Variants in MIR2052HG observed in about 807,000 individuals in gnomAD.
MIR2052HG encodes the protein MIR2052 host gene.
At chr8:74,665,371 T>G (rs1241861167) in intron 2 of MIR2052HG, among the ~76,000 whole-genome samples, 1 of 152,208 alleles carries the variant, frequency 6.6e-6, no homozygotes, top group Non-Finnish European at 1.5e-5. Flanking sequence ...ACGGGGAGAA[T>G]AACCTTGCTG....
intron 2 of MIR2052HG, among the ~76,000 whole-genome samples, chr8:74,616,871 T>A (rs1808289815): frequency 6.6e-6 from 1 of 152,064 alleles, no homozygotes; most frequent in Non-Finnish European, 1.5e-5. Context: ...CCTCCTCCTA[T>A]AGACTAGGTG....
chr8:74,632,667 A>T (rs1808527621), intron 2 of MIR2052HG, among the ~76,000 whole-genome samples: 1 of 152,226 alleles, frequency 6.6e-6, no homozygotes, highest in Non-Finnish European at 1.5e-5. Flanking sequence ...CTTTAATGTT[A>T]TCCTTCACCA....
chr8:74,650,856 G>A (rs144513903), intron 2 of MIR2052HG, among the ~76,000 whole-genome samples: 13 of 152,230 alleles, frequency 8.5e-5, no homozygotes, highest in South Asian at 4.1e-4. Context: ...GCATGGACTC[G>A]GAATGCATAA....
intron 2 of MIR2052HG, among the ~76,000 whole-genome samples, chr8:74,696,040 G>T (rs987006646): frequency 6.6e-6 from 1 of 152,038 alleles, no homozygotes; most frequent in African/African-American, 2.4e-5. Flanking sequence ...ATCAGCATAT[G>T]GAACATTCTC....
chr8:74,609,625 C>A (rs1808162833), intron 1 of MIR2052HG: 3 of 151,046 alleles, frequency 2.0e-5, no homozygotes, highest in Admixed American at 6.6e-5. Context: ...TCCAAGAATG[C>A]AAAATGAGTT....
At chr8:74,737,334 T>A (rs1482057806) in intron 4 of MIR2052HG, among the ~76,000 whole-genome samples, 2 of 152,200 alleles carry the variant, frequency 1.3e-5, no homozygotes, top group Non-Finnish European at 2.9e-5. Flanking sequence ...GGAGGTATTT[T>A]GGCCCAGGAA....
chr8:74,729,437 A>C (rs1809668665), intron 4 of MIR2052HG, among the ~76,000 whole-genome samples: 1 of 152,204 alleles, frequency 6.6e-6, no homozygotes, highest in South Asian at 2.1e-4. Context: ...ATGACATGCT[A>C]TCAGCTGTAA....
intron 2 of MIR2052HG, among the ~76,000 whole-genome samples, chr8:74,640,999 A>G (rs577422576): frequency 5.3e-5 from 8 of 152,330 alleles, no homozygotes; most frequent in African/African-American, 1.9e-4. Flanking sequence ...TGCTTAGGTC[A>G]CAGACATTTT....
intron 2 of MIR2052HG, among the ~76,000 whole-genome samples, chr8:74,665,392 T>G (rs1808911429): frequency 6.6e-6 from 1 of 152,204 alleles, no homozygotes; most frequent in African/African-American, 2.4e-5. Context: ...GCTCCATGTA[T>G]TCACCTCCAG....
chr8:74,734,013 G>A (rs536539527), intron 4 of MIR2052HG, among the ~76,000 whole-genome samples: 14 of 152,238 alleles, frequency 9.2e-5, no homozygotes, highest in African/African-American at 2.6e-4. Flanking sequence ...GAGCTTCTGC[G>A]CAGCAAAAGA....
chr8:74,613,479 C>A (rs1238725337), intron 2 of MIR2052HG, among the ~76,000 whole-genome samples: 1 of 152,048 alleles, frequency 6.6e-6, no homozygotes, highest in Non-Finnish European at 1.5e-5. Context: ...GGCTTGATGG[C>A]AGGGATTCAT....
chr8:74,608,578 A>G (rs994876948), intron 1 of MIR2052HG, among the ~76,000 whole-genome samples: 11 of 152,164 alleles, frequency 7.2e-5, no homozygotes, highest in Non-Finnish European at 1.3e-4. Context: ...ACCAAGATAG[A>G]CCATATTCTG....
chr8:74,606,121 C>G (rs1262488542), intron 1 of MIR2052HG, among the ~76,000 whole-genome samples: 1 of 152,146 alleles, frequency 6.6e-6, no homozygotes, highest in Non-Finnish European at 1.5e-5. Flanking sequence ...TAAACAGTTC[C>G]AGGTGCAGGG....
chr8:74,603,932 G>A lies in MIR2052HG; in HGVS notation n.128+4024G>A. On this transcript the variant is annotated intron_variant and non_coding_transcript_variant, in intron 1 of 6. Transcript: ENST00000523442. ...ATGAGAGAGCCACACTGACTAGCAGGGACCACCAGCCTCAGGGTGACTGGG... is the reference window on the plus strand; with the variant it reads ...ATGAGAGAGCCACACTGACTAGCAGAGACCACCAGCCTCAGGGTGACTGGG... 2.8e-6 allele frequency: 3 copies of A among 1,088,840 alleles called. No homozygotes were observed. In the South Asian group the frequency reaches 3.7e-5, roughly 14 times the overall value. The allele number at this position is 1,088,840 out of a possible 1,614,324, so 67.4% of individuals were successfully genotyped here. A position where few individuals can be genotyped will look rare whatever the true frequency, so the allele number is the denominator to read the frequency against.
chr8:74,696,072 C>T (rs1809293014), intron 2 of MIR2052HG, among the ~76,000 whole-genome samples: 2 of 151,944 alleles, frequency 1.3e-5, no homozygotes, highest in Non-Finnish European at 2.9e-5. Context: ...ATATAATAGG[C>T]CACAAAACAG....
chr8:74,661,115 C>T (rs1474625424), intron 2 of MIR2052HG, among the ~76,000 whole-genome samples: 2 of 151,946 alleles, frequency 1.3e-5, no homozygotes, highest in African/African-American at 2.4e-5. Context: ...ACCTGACTTC[C>T]AGCCTTGGCT....
At chr8:74,695,528 C>G (rs1049105889) in intron 2 of MIR2052HG, among the ~76,000 whole-genome samples, 10 of 152,040 alleles carry the variant, frequency 6.6e-5, no homozygotes, top group Non-Finnish European at 1.3e-4. Flanking sequence ...AGAATAGATA[C>G]AAATTCACTA....
intron 4 of MIR2052HG, among the ~76,000 whole-genome samples, chr8:74,715,029 G>A (rs1809507134): frequency 6.6e-6 from 1 of 151,774 alleles, no homozygotes; most frequent in African/African-American, 2.4e-5. Context: ...ACACATCTTT[G>A]CCAGGCATAA....
At chr8:74,703,975 C>A (rs747809981) in intron 4 of MIR2052HG, among the ~76,000 whole-genome samples, 2 of 151,806 alleles carry the variant, frequency 1.3e-5, no homozygotes, top group Non-Finnish European at 2.9e-5. Flanking sequence ...GGATTGCCTA[C>A]TTTTGGAGAG....
Sources: gnomAD v4.1 joint callset for allele counts (sites outside exome capture counted in the v4.1 genomes callset) on GRCh38, gnomAD v4.1.1 for gene constraint, MANE v1.5 for transcripts, NCBI Gene and HGNC (gene_info 2026-07-23, HGNC 2026-07-21) for gene names.